NECTIN3: variants seen among roughly 807,000 people sequenced by gnomAD.
The protein encoded by NECTIN3 is nectin-3.
Under a neutral mutation model 49.4 loss-of-function variants are expected in NECTIN3, and 8 were observed. That is an observed-to-expected ratio of 0.16 (90% CI 0.10 to 0.29). The LOEUF (loss-of-function observed/expected upper bound fraction) is 0.29, where lower values mean the gene tolerates loss of function less well. Ranked by LOEUF, NECTIN3 falls within the 10% of genes least tolerant of loss-of-function variation. The pLI, the probability that NECTIN3 is intolerant of heterozygous loss-of-function variation, is 1.00. For missense variants in NECTIN3, 581 were observed against 654.6 expected (o/e 0.89, Z 1.23); for synonymous variants, 277 against 241.1 (o/e 1.15, Z -1.38).
rs182884159 is a variant in NECTIN3, at chr3:111,127,958, G to T, written c.1069+1623G>T. ...AATGCATAGTTAAAATATACTTAAG[G>T]ACTGTTTATTTTGTTTCTGTTGTAC... On this transcript the variant is annotated intron_variant, in intron 5 of 5. Transcript: ENST00000485303. Among the ~76,000 whole-genome samples, 11 of 152,236 alleles carry T rather than the reference G, an allele frequency of 7.2e-5. No homozygotes were observed. The East Asian group carries it at 1.9e-3, about 27-fold the overall frequency.
At chr3:111,095,168 G>A (rs1291845827) in intron 1 of NECTIN3, among the ~76,000 whole-genome samples, 8 of 152,126 alleles carry the variant, frequency 5.3e-5, no homozygotes, top group Non-Finnish European at 4.4e-5. Flanking sequence ...TGTCAGTCAT[G>A]CCACTAGGAA....
intron 1 of NECTIN3, among the ~76,000 whole-genome samples, chr3:111,079,703 A>C (rs73852398): frequency 0.032 from 4,849 of 151,856 alleles, 87 homozygotes; most frequent in Middle Eastern, 0.059. Context: ...TGCTTATGTT[A>C]ATGGCTACTG....
At chr3:111,083,166 C>G (rs954052227) in intron 1 of NECTIN3, among the ~76,000 whole-genome samples, 4 of 151,998 alleles carry the variant, frequency 2.6e-5, no homozygotes, top group African/African-American at 9.7e-5. Context: ...GGGTTGGAGA[C>G]CCCTGTCTTC....
In NECTIN3 at chr3:111,136,029, CT is replaced by C. The variant is rs1241629509; in HGVS notation, c.*1819del. On this transcript the variant is annotated 3_prime_UTR_variant, in exon 6 of 6. Coordinates refer to ENST00000485303, the MANE Select transcript of NECTIN3 (RefSeq NM_015480.3). ...TTTAGTGCAAGTTTTTGGAAGAAAA[CT>C]TTTTGATAAAACACTGTGATTGATG... 1.0e-6 allele frequency: 1 copy of C among 978,194 alleles called. No homozygotes were observed. Among genetic ancestry groups the C allele is most frequent in the African/African-American group, 1.8e-5 (1 of 56,960 alleles). The allele number at this position is 978,194 out of a possible 1,614,324, so 60.6% of individuals were successfully genotyped here. A position where few individuals can be genotyped will look rare whatever the true frequency, so the allele number is the denominator to read the frequency against.
At chr3:111,189,744 GC>G (rs1022761047), upstream of NECTIN3, among the ~76,000 whole-genome samples, 2 of 152,206 alleles carry the variant, frequency 1.3e-5, no homozygotes, top group African/African-American at 4.8e-5. Context: ...AAAATGCTGG[GC>G]CCCATGTTCA....
intron 4 of NECTIN3, among the ~76,000 whole-genome samples, chr3:111,125,655 G>T (rs1410535608): frequency 6.6e-6 from 1 of 152,104 alleles, no homozygotes; most frequent in African/African-American, 2.4e-5. Flanking sequence ...GACCCATTTT[G>T]CTGTTTTAGA....
chr3:111,155,876 A>G (rs2035088854), intron 7 of NECTIN3, among the ~76,000 whole-genome samples: 1 of 152,170 alleles, frequency 6.6e-6, no homozygotes, highest in South Asian at 2.1e-4. Flanking sequence ...CTTACTTCCC[A>G]GGATTACAGA....
intron 1 of NECTIN3, among the ~76,000 whole-genome samples, chr3:111,081,103 T>C (rs2031573374): frequency 6.6e-6 from 1 of 152,086 alleles, no homozygotes; most frequent in African/African-American, 2.4e-5. Flanking sequence ...TAGTGAGACC[T>C]CGTCTCTGCC....
downstream of NECTIN3, among the ~76,000 whole-genome samples, chr3:111,138,854 G>T (rs976871401): frequency 1.3e-5 from 2 of 151,584 alleles, no homozygotes; most frequent in African/African-American, 4.8e-5. Context: ...TGATATGCAA[G>T]TTGTACAGTC....
chr3:111,128,860 G>A (rs919203327), intron 5 of NECTIN3, among the ~76,000 whole-genome samples: 2 of 152,060 alleles, frequency 1.3e-5, no homozygotes, highest in Non-Finnish European at 2.9e-5. Flanking sequence ...CCTTCAGTTT[G>A]TCAGCAAATG....
intron 3 of NECTIN3, among the ~76,000 whole-genome samples, chr3:111,119,520 T>C (rs1033848283): frequency 2.6e-5 from 4 of 152,162 alleles, no homozygotes; most frequent in African/African-American, 9.7e-5. Context: ...TTAGTACAGA[T>C]GGGGTTTCAC....
intron 4 of NECTIN3, among the ~76,000 whole-genome samples, chr3:111,122,810 C>G (rs2034010384): frequency 6.6e-6 from 1 of 151,984 alleles, no homozygotes; most frequent in Non-Finnish European, 1.5e-5. Context: ...AAATTTCAAA[C>G]TGTTATACCA....
At chr3:111,188,348 A>G (rs1206207448), upstream of NECTIN3, among the ~76,000 whole-genome samples, 5 of 152,292 alleles carry the variant, frequency 3.3e-5, no homozygotes, top group African/African-American at 1.2e-4. Context: ...TGCATACACA[A>G]TTTTACTAAA....
chr3:111,140,627 G>A (rs1402952702), downstream of NECTIN3, among the ~76,000 whole-genome samples: 1 of 151,666 alleles, frequency 6.6e-6, no homozygotes, highest in Non-Finnish European at 1.5e-5. Context: ...CTGTTACATG[G>A]GACACTCATA....
At chr3:111,127,463 T>G (rs2034209345) in intron 5 of NECTIN3, among the ~76,000 whole-genome samples, 1 of 144,276 alleles carries the variant, frequency 6.9e-6, no homozygotes, top group South Asian at 2.1e-4. Flanking sequence ...GGTGCAAACT[T>G]TCTTTTTTTT....
intron 7 of NECTIN3, among the ~76,000 whole-genome samples, chr3:111,154,098 G>A (rs1489943541): frequency 1.3e-5 from 2 of 152,060 alleles, no homozygotes; most frequent in East Asian, 1.9e-4. Flanking sequence ...ATATCACCAC[G>A]ATCAAAATAT....
chr3:111,186,621 C>T (rs746907944), intron 7 of NECTIN3, among the ~76,000 whole-genome samples: 80 of 152,208 alleles, frequency 5.3e-4, no homozygotes, highest in Middle Eastern at 3.4e-3. Flanking sequence ...CATTAGATCC[C>T]CATGATACAC....
intron 7 of NECTIN3, among the ~76,000 whole-genome samples, chr3:111,167,043 G>A (rs895378415): frequency 6.6e-6 from 1 of 152,182 alleles, no homozygotes; most frequent in Non-Finnish European, 1.5e-5. Context: ...TTGTAAAATT[G>A]AATGTCAGTT....
upstream of NECTIN3, among the ~76,000 whole-genome samples, chr3:111,191,594 G>A (rs995420389): frequency 6.6e-6 from 1 of 151,888 alleles, no homozygotes; most frequent in Non-Finnish European, 1.5e-5. Context: ...TAATCTGTGT[G>A]GGGGGAGGGT....
Sources: gnomAD v4.1 joint callset for allele counts (sites outside exome capture counted in the v4.1 genomes callset) on GRCh38, gnomAD v4.1.1 for gene constraint, MANE v1.5 for transcripts, NCBI Gene and HGNC (gene_info 2026-07-23, HGNC 2026-07-21) for gene names.